USP9X: variants seen among roughly 807,000 people sequenced by gnomAD.
The protein encoded by USP9X is ubiquitin specific peptidase 9 X-linked.
USP9X carries 7 observed loss-of-function variants against 190.3 expected under a neutral mutation model. That is an observed-to-expected ratio of 0.04 (90% CI 0.02 to 0.07). The LOEUF (loss-of-function observed/expected upper bound fraction) is 0.07, where lower values mean the gene tolerates loss of function less well. USP9X is among the 10% of genes least tolerant of loss of function. The pLI is 1.00. For missense variants in USP9X, 1,010 were observed against 1,916.9 expected (o/e 0.53, Z 8.83); for synonymous variants, 645 against 659.5 (o/e 0.98, Z 0.34).
chrX:41,213,513 A>C (rs899705000), intron 33 of USP9X, among the ~76,000 whole-genome samples: 3 of 111,900 alleles, frequency 2.7e-5, no homozygotes. Flanking sequence ...TTTTCAGCTT[A>C]TGATATTTTC....
chrX:41,124,546 T>A (rs2062219970), intron 2 of USP9X, among the ~76,000 whole-genome samples: 1 of 112,185 alleles, frequency 8.9e-6, no homozygotes, highest in Non-Finnish European at 1.9e-5. Flanking sequence ...TTCTGATGGC[T>A]TATACTGTCA....
chrX:41,187,820 C>T (rs901053982), intron 24 of USP9X, among the ~76,000 whole-genome samples, 172 bp from the exon 25 acceptor site: 1 of 107,966 alleles, frequency 9.3e-6, no homozygotes, highest in African/African-American at 3.4e-5. Context: ...GAGGGCCCTC[C>T]GCCCCCACCT....
At chrX:41,088,109 T>A (rs2061926865) in intron 1 of USP9X, among the ~76,000 whole-genome samples, 1 of 111,861 alleles carries the variant, frequency 8.9e-6, no homozygotes, top group Non-Finnish European at 1.9e-5. Context: ...TCAGCCTCCC[T>A]GGTAGCTGGG....
intron 14 of USP9X, among the ~76,000 whole-genome samples, 189 bp downstream of exon 14, chrX:41,153,270 C>T (rs767557666): frequency 8.9e-6 from 1 of 111,798 alleles, no homozygotes; most frequent in African/African-American, 3.2e-5. Flanking sequence ...CCCCCATTCT[C>T]TTTGTTAAAT....
intron 21 of USP9X, among the ~76,000 whole-genome samples, chrX:41,174,018 A>G (rs1402270560): frequency 1.8e-5 from 2 of 111,836 alleles, no homozygotes; most frequent in East Asian, 5.6e-4. Context: ...CACAAATACC[A>G]TTGTGTTATA....
At chrX:41,201,001 T>TA in intron 30 of USP9X, 59 bp from the exon 31 acceptor site, 1 of 1,128,291 alleles carries the variant, frequency 8.9e-7, no homozygotes, top group East Asian at 3.0e-5. Flanking sequence ...GTCAGCATAA[T>TA]AGAGTTTGAA....
intron 38 of USP9X, among the ~76,000 whole-genome samples, chrX:41,219,681 T>C (rs2063243746): frequency 8.9e-6 from 1 of 112,081 alleles, no homozygotes. Flanking sequence ...ATAATATAAA[T>C]ACTCGCTTAA....
chrX:41,119,278 C>T (rs2062173162), intron 1 of USP9X, among the ~76,000 whole-genome samples: 1 of 110,817 alleles, frequency 9.0e-6, no homozygotes, highest in Non-Finnish European at 1.9e-5. Flanking sequence ...TTTGGGAGGC[C>T]AGGGAGGAGA....
In USP9X at chrX:41,162,846, C is replaced by A; in HGVS notation, c.1954C>A (p.Gln652Lys). 1 of 1,207,412 alleles carries A rather than the reference C, an allele frequency of 8.3e-7. No individual in the cohort carries two copies. Among genetic ancestry groups the A allele is most frequent in the Non-Finnish European group, 1.1e-6 (1 of 893,173 alleles). The stretch of plus-strand genomic sequence containing the variant: ...GCTGGGAAGTAGATATAGTCATGTT[C>A]AAGAAGTTCAAGAACGGCTTAACTT... Reference protein sequence around the residue: ...VRLGSRYSHVQEVQERLNFLR... With the variant: ...VRLGSRYSHVKEVQERLNFLR... The change falls in exon 15 of 45, where the codon CAA becomes AAA. Residue 652 changes from glutamine (Q) to lysine (K), a missense_variant. By Grantham distance (53) the Gln-to-Lys change is moderately conservative (BLOSUM62 1). Around this residue, in one of 11 missense-constraint regions of USP9X, gnomAD observed 104 missense variants for 239.8 expected, o/e 0.43. Coordinates refer to ENST00000378308, the MANE Select transcript of USP9X (RefSeq NM_001039591.3).
chrX:41,102,369 G>T (rs1825580109), intron 1 of USP9X, among the ~76,000 whole-genome samples: 2 of 111,581 alleles, frequency 1.8e-5, no homozygotes, highest in South Asian at 7.5e-4. Flanking sequence ...TGTAATCCCA[G>T]CACTTTGGGA....
Position 41,229,241 on chromosome X carries a change from G to T in USP9X, c.7062-12G>T, listed in dbSNP as rs1229985302. 1 of 1,161,177 alleles carries T rather than the reference G, an allele frequency of 8.6e-7. No homozygotes were observed. Among genetic ancestry groups the T allele is most frequent in the Non-Finnish European group, 1.1e-6 (1 of 870,849 alleles). ...TTTAGATGTTTTTATTTTATATCTG[G>T]TTCTCTTTCAGAATTCATAATGCAC... On this transcript the variant is annotated splice_polypyrimidine_tract_variant and intron_variant, in intron 41 of 44. Coordinates refer to ENST00000378308, the MANE Select transcript of USP9X (RefSeq NM_001039591.3).
At chrX:41,088,352 C>T (rs757504065) in intron 1 of USP9X, among the ~76,000 whole-genome samples, 2 of 111,873 alleles carry the variant, frequency 1.8e-5, no homozygotes, top group Non-Finnish European at 3.8e-5. Flanking sequence ...TTGCTATCTT[C>T]TCAGAGATTT....
chrX:41,156,540 C>T (rs1423610979), intron 14 of USP9X, among the ~76,000 whole-genome samples: 5 of 112,121 alleles, frequency 4.5e-5, no homozygotes, highest in African/African-American at 1.6e-4. Flanking sequence ...ATATTGGGCT[C>T]TGATTATCCC....
intron 1 of USP9X, among the ~76,000 whole-genome samples, chrX:41,105,719 C>T (rs760430433): frequency 8.9e-6 from 1 of 111,944 alleles, no homozygotes; most frequent in Non-Finnish European, 1.9e-5. Flanking sequence ...TGAGGAATCA[C>T]CATATGTTTT....
At chrX:41,152,529 AATAAG>A (rs891915959) in intron 13 of USP9X, among the ~76,000 whole-genome samples, 1 of 111,868 alleles carries the variant, frequency 8.9e-6, no homozygotes, top group Non-Finnish European at 1.9e-5. Context: ...TTAAATAGCT[AATAAG>A]AAGAAAATGC....
intron 41 of USP9X, among the ~76,000 whole-genome samples, chrX:41,227,236 A>AACC (rs932333779): frequency 4.5e-5 from 5 of 112,256 alleles, no homozygotes; most frequent in Admixed American, 1.9e-4. Flanking sequence ...GCATCAGGTA[A>AACC]TAAGGCAAGT....
chrX:41,232,787 G>C lies in USP9X; in HGVS notation c.*263G>C. The stretch of plus-strand genomic sequence containing the variant: ...TGTATATAGTATATTAATGTTGACT[G>C]TTAATTCTTAAGCAAGAAACTTTTT... On this transcript the variant is annotated 3_prime_UTR_variant, in exon 45 of 45. Transcript: ENST00000378308. 5.5e-6 allele frequency: 1 copy of C among 181,964 alleles called. No individual in the cohort carries two copies. The highest frequency in any genetic ancestry group is 1.0e-5 in the Non-Finnish European group (1 of 96,520). The allele number at this position is 181,964 out of a possible 1,213,427, so 15.0% of individuals were successfully genotyped here.
At chrX:41,133,578 A>G (rs1216684164) in intron 4 of USP9X, among the ~76,000 whole-genome samples, 2 of 111,974 alleles carry the variant, frequency 1.8e-5, no homozygotes, top group Non-Finnish European at 3.8e-5. Flanking sequence ...TGTGCTATCA[A>G]GTAACTAGGT....
chrX:41,152,807 T>C (rs752532174), intron 13 of USP9X, 141 bp from the exon 14 acceptor site: 64 of 586,644 alleles, frequency 1.1e-4, no homozygotes, highest in Non-Finnish European at 1.5e-4. Context: ...GGTTGTGATA[T>C]TTTCATTAAA....
Sources: gnomAD v4.1 joint callset for allele counts (sites outside exome capture counted in the v4.1 genomes callset) on GRCh38, gnomAD v4.1.1 for gene constraint, gnomAD v4.1.1 regional missense constraint, MANE v1.5 for transcripts, NCBI Gene and HGNC (gene_info 2026-07-23, HGNC 2026-07-21) for gene names.